EPHB1: variants seen among roughly 807,000 people sequenced by gnomAD.
The protein encoded by EPHB1 is ephrin type-B receptor 1.
In EPHB1, 30 loss-of-function variants were observed where a neutral mutation model predicts 94.4. The observed-to-expected ratio is 0.32, with a 90% CI of 0.24 to 0.43. The LOEUF (loss-of-function observed/expected upper bound fraction) is 0.43, where lower values mean the gene tolerates loss of function less well. EPHB1 is among the 20% of genes least tolerant of loss of function. The pLI is 1.00. For missense variants in EPHB1, 1,055 were observed against 1,308.3 expected, an observed-to-expected ratio of 0.81 and a Z score of 2.99; for synonymous variants, 522 against 489.1, an observed-to-expected ratio of 1.07 and a Z score of -0.89.
intron 1 of EPHB1, among the ~76,000 whole-genome samples, chr3:134,874,908 G>C (rs1029464701): frequency 6.6e-6 from 1 of 152,192 alleles, no homozygotes; most frequent in Admixed American, 6.5e-5. Flanking sequence ...CATACCAGGC[G>C]GAGCTTGCAT....
chr3:135,165,269 G>A (rs1370396212), intron 7 of EPHB1, among the ~76,000 whole-genome samples: 1 of 152,192 alleles, frequency 6.6e-6, no homozygotes, highest in African/African-American at 2.4e-5. Context: ...CAGGAAGTGT[G>A]AGGGTCAGAA....
chr3:135,110,243 T>C (rs1939385883), intron 4 of EPHB1, among the ~76,000 whole-genome samples: 1 of 152,208 alleles, frequency 6.6e-6, no homozygotes, highest in Non-Finnish European at 1.5e-5. Context: ...GGCAAGCTAG[T>C]GCTTGCCTTG....
chr3:135,045,873 C>T (rs1936983301), intron 3 of EPHB1, among the ~76,000 whole-genome samples: 1 of 152,110 alleles, frequency 6.6e-6, no homozygotes. Context: ...TTTAAGATTC[C>T]ACACTGCAAC....
In EPHB1 at chr3:135,012,927, A is replaced by G. The variant is rs374407787; in HGVS notation, c.805+60875A>G. Among the ~76,000 whole-genome samples the G allele has an allele frequency of 4.1e-4, 62 of 152,300 alleles. 1 individual carries two copies. In the South Asian group the frequency reaches 0.013, roughly 32 times the overall value. ...ACCCAGCATTTCATATAATATATGT[A>G]TTTGCATGTACATATTTTATTGAAA... On this transcript the variant is annotated intron_variant, in intron 3 of 15. Coordinates refer to ENST00000398015, the MANE Select transcript of EPHB1 (RefSeq NM_004441.5).
chr3:134,986,210 C>G (rs1934589528), intron 3 of EPHB1, among the ~76,000 whole-genome samples: 1 of 152,166 alleles, frequency 6.6e-6, no homozygotes, highest in African/African-American at 2.4e-5. Flanking sequence ...AATGTGAGTG[C>G]TGGAAGAATC....
intron 3 of EPHB1, among the ~76,000 whole-genome samples, chr3:135,002,641 T>TG (rs1468835151): frequency 6.6e-6 from 1 of 152,062 alleles, no homozygotes; most frequent in Non-Finnish European, 1.5e-5. Context: ...TCAGATCCTG[T>TG]TATTGGTCTA....
intron 3 of EPHB1, among the ~76,000 whole-genome samples, chr3:134,994,623 T>C (rs1017714032): frequency 6.6e-6 from 1 of 152,206 alleles, no homozygotes; most frequent in Non-Finnish European, 1.5e-5. Flanking sequence ...GAGGTCTTAC[T>C]ATGTTGCCCA....
chr3:135,080,739 C>T (rs1300147932), intron 3 of EPHB1, among the ~76,000 whole-genome samples: 1 of 152,078 alleles, frequency 6.6e-6, no homozygotes, highest in Non-Finnish European at 1.5e-5. Flanking sequence ...GCTACTTAAC[C>T]TCTCTGTAGC....
At chr3:134,805,217 G>A (rs1042933921) in intron 1 of EPHB1, among the ~76,000 whole-genome samples, 2 of 152,128 alleles carry the variant, frequency 1.3e-5, no homozygotes, top group African/African-American at 2.4e-5. Context: ...CCTGGGGGCC[G>A]TTGTCACAGG....
chr3:135,079,598 A>G (rs1051576720), intron 3 of EPHB1, among the ~76,000 whole-genome samples: 2 of 152,060 alleles, frequency 1.3e-5, no homozygotes, highest in African/African-American at 4.8e-5. Context: ...CCATCATCAC[A>G]TAGTGGAGTC....
At chr3:134,922,402 C>T (rs2038706243) in intron 1 of EPHB1, among the ~76,000 whole-genome samples, 1 of 152,182 alleles carries the variant, frequency 6.6e-6, no homozygotes, top group African/African-American at 2.4e-5. Flanking sequence ...TCTTCTGTCT[C>T]CACAATGGGC....
intron 3 of EPHB1, among the ~76,000 whole-genome samples, chr3:134,963,761 AT>A (rs1179580525): frequency 6.6e-6 from 1 of 152,198 alleles, no homozygotes; most frequent in Non-Finnish European, 1.5e-5. Context: ...AAGATTTGTA[AT>A]TTTTGATGGG....
intron 10 of EPHB1, among the ~76,000 whole-genome samples, chr3:135,183,939 T>A (rs1344252821): frequency 6.6e-6 from 1 of 152,184 alleles, no homozygotes; most frequent in East Asian, 1.9e-4. Context: ...ATCCTATAAA[T>A]GCTGTGCTTG....
chr3:135,156,990 TC>T (rs1375003168), intron 6 of EPHB1, among the ~76,000 whole-genome samples: 5 of 152,208 alleles, frequency 3.3e-5, no homozygotes, highest in African/African-American at 9.6e-5. Flanking sequence ...AATAATAATT[TC>T]TCCCCAGCGT....
intron 3 of EPHB1, among the ~76,000 whole-genome samples, chr3:134,975,700 A>G (rs1934160078): frequency 6.6e-6 from 1 of 152,176 alleles, no homozygotes; most frequent in Non-Finnish European, 1.5e-5. Context: ...CATTATAGGC[A>G]TAGGTTAAAG....
In EPHB1 at chr3:135,248,356, C is replaced by T. The variant is rs753554755; in HGVS notation, c.2537C>T (p.Pro846Leu). Residue 846 changes from proline to leucine, a missense_variant, in exon 14 of 16, where the codon CCC (proline) becomes CTC (leucine). Physicochemically the swap from Pro to Leu is moderately conservative, Grantham distance 98. Transcript: ENST00000398015. Reference protein sequence around the residue: ...AIEQDYRLPPPMDCPAALHQL... With the variant: ...AIEQDYRLPPLMDCPAALHQL... ...GAGCAGGACTACCGGCTGCCCCCAC[C>T]CATGGACTGTCCAGCTGCTCTACAC... The T allele has an allele frequency of 6.2e-7, 1 of 1,608,528 alleles. No homozygotes were observed. The highest frequency in any genetic ancestry group is 1.1e-5 in the South Asian group (1 of 90,730).
At chr3:134,806,269 GC>G (rs2036041484) in intron 1 of EPHB1, among the ~76,000 whole-genome samples, 1 of 152,180 alleles carries the variant, frequency 6.6e-6, no homozygotes, top group Non-Finnish European at 1.5e-5. Flanking sequence ...GTCATAGAAG[GC>G]AACACAGTTT....
intron 9 of EPHB1, among the ~76,000 whole-genome samples, chr3:135,173,971 A>T (rs568863579): frequency 6.6e-6 from 1 of 152,146 alleles, no homozygotes; most frequent in African/African-American, 2.4e-5. Context: ...CTGCTCATCA[A>T]CTGCAACCAC....
intron 3 of EPHB1, among the ~76,000 whole-genome samples, chr3:135,065,871 C>T (rs544689066): frequency 1.1e-4 from 17 of 152,286 alleles, no homozygotes; most frequent in Middle Eastern, 3.4e-3. Flanking sequence ...CTCCTTTTAG[C>T]AGTTCTTGTA....
Sources: gnomAD v4.1 joint callset for allele counts (sites outside exome capture counted in the v4.1 genomes callset) on GRCh38, gnomAD v4.1.1 for gene constraint, MANE v1.5 for transcripts, NCBI Gene and HGNC (gene_info 2026-07-23, HGNC 2026-07-21) for gene names.